Variants in ECRG4 observed in about 807,000 individuals in gnomAD.
ECRG4 encodes augurin.
A neutral mutation model predicts 15.8 loss-of-function variants in ECRG4; 18 were observed. That is an observed-to-expected ratio of 1.14 (90% confidence interval 0.79 to 1.69). The LOEUF (loss-of-function observed/expected upper bound fraction) is 1.69, where lower values mean the gene tolerates loss of function less well. ECRG4 is among the 40% of genes most tolerant of loss of function. The probability of loss-of-function intolerance (pLI) is 0.00; values close to 1 mark genes in which losing one functional copy is unlikely to be tolerated. For missense variants in ECRG4, 200 were observed against 190.9 expected (o/e 1.05, Z -0.28); for synonymous variants, 82 against 73.9 (o/e 1.11, Z -0.56).
At chr2:106,073,730 G>T in intron 2 of ECRG4, 156 bp from the exon 3 acceptor site, 1 of 829,200 alleles carries the variant, frequency 1.2e-6, no homozygotes, top group East Asian at 2.5e-5. Flanking sequence ...AATCTACGAG[G>T]CTGTGTCACA....
chr2:106,065,980 G>A (rs1460595101), intron 1 of ECRG4, 137 bp downstream of exon 1: 8 of 739,318 alleles, frequency 1.1e-5, no homozygotes, highest in African/African-American at 1.9e-5. Flanking sequence ...GCAGGGCCAA[G>A]GGGTGGTAGA....
intron 1 of ECRG4, among the ~76,000 whole-genome samples, chr2:106,071,230 T>C (rs1676359985): frequency 6.7e-6 from 1 of 149,136 alleles, no homozygotes; most frequent in Non-Finnish European, 1.5e-5. Flanking sequence ...GGATCCTCTC[T>C]TCTTCTTATA....
chr2:106,073,860 TG>T, intron 2 of ECRG4, 25 bp from the exon 3 acceptor site: 1 of 1,609,596 alleles, frequency 6.2e-7, no homozygotes, highest in South Asian at 1.1e-5. Context: ...CTTTGTGCTT[TG>T]GGGATGGGGA....
chr2:106,073,789 CATG>C lies in ECRG4; in HGVS notation c.128-96_128-94del, dbSNP rs571239468. 2,888 of 1,433,622 alleles carry C rather than the reference CATG, an allele frequency of 2.0e-3. 21 individuals are homozygous for C. The highest frequency in any genetic ancestry group is 2.4e-3 in the Non-Finnish European group (2,478 of 1,030,554). The allele number at this position is 1,433,622 out of a possible 1,614,324, so 88.8% of individuals were successfully genotyped here. On this transcript the variant is annotated intron_variant, in intron 2 of 3. Transcript: ENST00000238044. ...AGTTGAGAGTCAAAACCCTCCTACA[CATG>C]GTGGTGGGGGATGGGATGTATAACA...
chr2:106,065,701 GC>G lies in ECRG4; in HGVS notation c.-61del. 1 of 1,305,120 alleles carries G rather than the reference GC, an allele frequency of 7.7e-7. No individual in the cohort carries two copies. The highest frequency in any genetic ancestry group is 1.0e-6 in the Non-Finnish European group (1 of 989,382). 80.8% of individuals were successfully genotyped at this position (1,305,120 alleles called of 1,614,324 possible). A position where few individuals can be genotyped will look rare whatever the true frequency, so the allele number is the denominator to read the frequency against. ...CTGCCCGCTCGCACCCCTCTCCCGC[GC>G]CCGGTTCTCCCTCGCAGCACCTCGA... On this transcript the variant is annotated 5_prime_UTR_variant, in exon 1 of 4. Coordinates refer to ENST00000238044, the MANE Select transcript of ECRG4 (RefSeq NM_032411.3).
upstream of ECRG4, among the ~76,000 whole-genome samples, chr2:106,064,736 G>A (rs990849412): frequency 3.9e-5 from 6 of 152,180 alleles, no homozygotes; most frequent in Non-Finnish European, 2.9e-5. Context: ...GCTCAGTTCA[G>A]GGCAGATCTG....
intron 1 of ECRG4, 62 bp from the exon 2 acceptor site, chr2:106,071,782 C>T: frequency 1.4e-6 from 2 of 1,423,484 alleles, no homozygotes; most frequent in Non-Finnish European, 2.0e-6. Context: ...CTGATTTTTG[C>T]CTTTGATAAA....
At chr2:106,073,724 T>C in intron 2 of ECRG4, 162 bp from the exon 3 acceptor site, 1 of 813,066 alleles carries the variant, frequency 1.2e-6, no homozygotes, top group Non-Finnish European at 2.0e-6. Flanking sequence ...TGACAGAATC[T>C]ACGAGGCTGT....
intron 1 of ECRG4, among the ~76,000 whole-genome samples, chr2:106,069,119 T>TTTTCTTTC (rs1676285764): frequency 1.3e-5 from 1 of 77,492 alleles, no homozygotes; most frequent in Admixed American, 1.4e-4. Context: ...TTCTTTTTCT[T>TTTTCTTTC]TCTTCCTTTC....
Position 106,073,917 on chromosome 2 carries a change from T to C in ECRG4, c.159T>C (p.Val53=). The C allele has an allele frequency of 6.8e-6, 11 of 1,614,158 alleles. No homozygotes were observed. Among genetic ancestry groups the C allele is most frequent in the Non-Finnish European group, 3.4e-6 (4 of 1,180,028 alleles). Residue 53 remains valine (V), a synonymous_variant, in exon 3 of 4, where the codon GTT becomes GTC. Transcript: ENST00000238044. ...APVPTKTKVA[V]DENKAKEFLG... Reference sequence around the variant, plus strand: ...TTCCAACTAAGACTAAAGTGGCCGTTGATGAGAATAAAGCCAAAGAATTCC... The same window carrying C: ...TTCCAACTAAGACTAAAGTGGCCGTCGATGAGAATAAAGCCAAAGAATTCC...
At chr2:106,065,542 C>T (rs929416331), upstream of ECRG4, 3 of 376,008 alleles carry the variant, frequency 8.0e-6, no homozygotes, top group Non-Finnish European at 1.4e-5. Context: ...CCCTTGGGGC[C>T]GGGGCGGGAG....
At chr2:106,068,306 C>A (rs1676267899) in intron 1 of ECRG4, among the ~76,000 whole-genome samples, 1 of 152,096 alleles carries the variant, frequency 6.6e-6, no homozygotes, top group African/African-American at 2.4e-5. Context: ...ATTATTGCAG[C>A]CTTGAATGAA....
chr2:106,072,067 A>G (rs756614746), intron 2 of ECRG4, 176 bp downstream of exon 2: 3 of 546,656 alleles, frequency 5.5e-6, no homozygotes, highest in African/African-American at 1.9e-5. Flanking sequence ...ATCTTATTAG[A>G]TAAATATTAT....
chr2:106,076,970 T>TA (rs568786967), intron 3 of ECRG4, among the ~76,000 whole-genome samples: 96 of 152,138 alleles, frequency 6.3e-4, no homozygotes, highest in Admixed American at 1.6e-3. Context: ...GTCTCTCCTT[T>TA]AAAAAAAATG....
chr2:106,068,133 C>T (rs543599378), intron 1 of ECRG4, among the ~76,000 whole-genome samples: 171 of 152,204 alleles, frequency 1.1e-3, no homozygotes, highest in Non-Finnish European at 2.0e-3. Context: ...GCTTGAACCA[C>T]CACGCCCTTC....
At chr2:106,071,322 T>TAAAAA (rs10649647) in intron 1 of ECRG4, among the ~76,000 whole-genome samples, 922 of 78,196 alleles carry the variant, frequency 0.012, 19 homozygotes, top group South Asian at 0.018. Context: ...GGTAAGGCTG[T>TAAAAA]AAAAAAAAAA....
At chr2:106,069,090 C>A in intron 1 of ECRG4, among the ~76,000 whole-genome samples, 1 of 149,870 alleles carries the variant, frequency 6.7e-6, no homozygotes, top group Non-Finnish European at 1.5e-5. Flanking sequence ...TTTCCTTCCT[C>A]CCTTCCTTCC....
At chr2:106,064,929 G>C (rs1280860396), upstream of ECRG4, among the ~76,000 whole-genome samples, 3 of 152,056 alleles carry the variant, frequency 2.0e-5, no homozygotes, top group Admixed American at 2.0e-4. Context: ...GCAGTTCTGC[G>C]TTTCCCTTGG....
At chr2:106,065,501 T>C (rs867842837), upstream of ECRG4, among the ~76,000 whole-genome samples, 15 of 151,560 alleles carry the variant, frequency 9.9e-5, no homozygotes, top group African/African-American at 2.7e-4. Context: ...TGGCCAAGCA[T>C]CCTTGGCCTT....
Sources: gnomAD v4.1 joint callset for allele counts (sites outside exome capture counted in the v4.1 genomes callset) on GRCh38, gnomAD v4.1.1 for gene constraint, MANE v1.5 for transcripts, NCBI Gene and HGNC (gene_info 2026-07-23, HGNC 2026-07-21) for gene names.